The following PARD3B variants were observed in gnomAD, a reference collection of about 807,000 sequenced individuals.
PARD3B encodes the protein partitioning defective 3 homolog B.
In PARD3B, 103 loss-of-function variants were observed where a neutral mutation model predicts 130.2. The observed-to-expected ratio is 0.79, with a 90% confidence interval of 0.67 to 0.93. The LOEUF (loss-of-function observed/expected upper bound fraction) is 0.93. Among genes scored for constraint, PARD3B ranks in the 40% least tolerant of loss-of-function variants. The pLI, the probability that PARD3B is intolerant of heterozygous loss-of-function variation, is 0.00. For synonymous variants in PARD3B, 583 were observed against 553.2 expected, an observed-to-expected ratio of 1.05 and a Z score of -0.76; for missense variants, 1,609 against 1,499.2, an observed-to-expected ratio of 1.07 and a Z score of -1.21.
intron 3 of PARD3B, among the ~76,000 whole-genome samples, chr2:204,975,533 G>A (rs1450290802): frequency 6.6e-6 from 1 of 152,196 alleles, no homozygotes; most frequent in Non-Finnish European, 1.5e-5. Flanking sequence ...AATGAGTTCA[G>A]CAGGTGCACT....
intron 15 of PARD3B, among the ~76,000 whole-genome samples, chr2:205,214,570 C>T (rs11886173): frequency 0.16 from 24,336 of 151,320 alleles, 2,267 homozygotes; most frequent in African/African-American, 0.26. Context: ...ATGGTTTAAA[C>T]ACTTGGTACA....
At chr2:205,038,801 G>A (rs1462306244) in intron 3 of PARD3B, among the ~76,000 whole-genome samples, 1 of 152,122 alleles carries the variant, frequency 6.6e-6, no homozygotes, top group South Asian at 2.1e-4. Context: ...TGAAATGAGA[G>A]AAAAATGATA....
chr2:205,064,352 ATGTTTACC>A (rs1232368464), intron 4 of PARD3B, among the ~76,000 whole-genome samples: 6 of 152,166 alleles, frequency 3.9e-5, no homozygotes, highest in Non-Finnish European at 5.9e-5. Flanking sequence ...AGATTTCATC[ATGTTTACC>A]TGTTTACCTG....
chr2:205,251,650 A>G (rs980884587), intron 16 of PARD3B, among the ~76,000 whole-genome samples: 1 of 152,180 alleles, frequency 6.6e-6, no homozygotes, highest in Non-Finnish European at 1.5e-5. Flanking sequence ...TTGAATGTGC[A>G]TTTACACTTT....
At chr2:205,061,274 G>C (rs561953752) in intron 4 of PARD3B, among the ~76,000 whole-genome samples, 1 of 152,216 alleles carries the variant, frequency 6.6e-6, no homozygotes, top group African/African-American at 2.4e-5. Flanking sequence ...TAAGGTTCTG[G>C]CATGGCAGTG....
chr2:204,755,521 T>C (rs1559118930), intron 2 of PARD3B, among the ~76,000 whole-genome samples: 1 of 152,108 alleles, frequency 6.6e-6, no homozygotes, highest in Non-Finnish European at 1.5e-5. Context: ...AACCTCTTTG[T>C]TAAATGACAT....
chr2:205,286,233 A>G (rs1033358097), intron 16 of PARD3B, among the ~76,000 whole-genome samples: 1 of 152,144 alleles, frequency 6.6e-6, no homozygotes, highest in African/African-American at 2.4e-5. Context: ...AAGTTACTTT[A>G]TCTTTGCCTC....
intron 20 of PARD3B, among the ~76,000 whole-genome samples, chr2:205,478,775 G>A (rs146699537): frequency 1.9e-3 from 295 of 152,264 alleles, no homozygotes; most frequent in African/African-American, 6.5e-3. Flanking sequence ...TAAAGTGTGT[G>A]AGCTTGGACG....
At chr2:205,314,386 G>T (rs545717890) in intron 18 of PARD3B, among the ~76,000 whole-genome samples, 1 of 152,218 alleles carries the variant, frequency 6.6e-6, no homozygotes, top group Non-Finnish European at 1.5e-5. Context: ...ATCTAAAAAT[G>T]CATGGACACC....
chr2:205,329,943 A>G lies in PARD3B; in HGVS notation c.2630+28242A>G, dbSNP rs191381595. ...AGTGGGGCGGAGGTTGCAGTGAGCC[A>G]AGATCGCCCCATTGCACTCTAGCCT... On this transcript the variant is annotated intron_variant, in intron 18 of 22. Transcript: ENST00000406610. Among the ~76,000 whole-genome samples the G allele has an allele frequency of 1.3e-3, 203 of 152,128 alleles. 1 individual carries two copies. In the East Asian group the frequency reaches 0.024, roughly 18 times the overall value.
At chr2:204,629,315 T>C (rs921757031) in intron 1 of PARD3B, among the ~76,000 whole-genome samples, 1 of 152,230 alleles carries the variant, frequency 6.6e-6, no homozygotes. Flanking sequence ...CTTTCTGTTT[T>C]ACATTTTTAC....
intron 2 of PARD3B, among the ~76,000 whole-genome samples, chr2:204,865,069 G>A (rs1045405382): frequency 6.6e-6 from 1 of 151,878 alleles, no homozygotes; most frequent in Non-Finnish European, 1.5e-5. Context: ...TCAAAACCAC[G>A]ATATGATATC....
intron 3 of PARD3B, among the ~76,000 whole-genome samples, chr2:205,031,707 G>A (rs906445938): frequency 5.3e-5 from 8 of 152,092 alleles, no homozygotes; most frequent in African/African-American, 1.9e-4. Flanking sequence ...AGTACTTACA[G>A]GTAGTGAAAT....
chr2:204,826,248 C>T (rs148545026), intron 2 of PARD3B, among the ~76,000 whole-genome samples: 1 of 152,250 alleles, frequency 6.6e-6, no homozygotes, highest in Non-Finnish European at 1.5e-5. Context: ...AGGAGTTGTA[C>T]CTCCATAGCT....
intron 4 of PARD3B, among the ~76,000 whole-genome samples, chr2:205,089,380 A>G (rs1192055289): frequency 1.3e-5 from 2 of 152,008 alleles, no homozygotes; most frequent in Non-Finnish European, 2.9e-5. Context: ...CATGTTGGCC[A>G]GGCTGGTCTT....
intron 2 of PARD3B, among the ~76,000 whole-genome samples, chr2:204,956,785 G>T (rs985686925): frequency 1.3e-5 from 2 of 152,108 alleles, no homozygotes; most frequent in African/African-American, 4.8e-5. Context: ...CGCAATTCAT[G>T]GGAAGCAAGA....
At chr2:204,991,359 G>C (rs975034874) in intron 3 of PARD3B, among the ~76,000 whole-genome samples, 1 of 144,836 alleles carries the variant, frequency 6.9e-6, no homozygotes, top group African/African-American at 2.6e-5. Flanking sequence ...AGTTTACTGA[G>C]AATGATGTTT....
At chr2:205,545,872 T>C (rs1362763112) in intron 21 of PARD3B, among the ~76,000 whole-genome samples, 3 of 152,194 alleles carry the variant, frequency 2.0e-5, no homozygotes, top group African/African-American at 7.2e-5. Flanking sequence ...AATCTACAAA[T>C]GGGGAATATT....
chr2:205,364,692 G>A (rs2044532290), intron 18 of PARD3B, among the ~76,000 whole-genome samples: 2 of 152,174 alleles, frequency 1.3e-5, no homozygotes, highest in South Asian at 4.1e-4. Flanking sequence ...CTCAAGAGGG[G>A]CCACAAATTC....
Sources: allele counts gnomAD v4.1 joint callset (sites outside exome capture counted in the v4.1 genomes callset), GRCh38; gene constraint gnomAD v4.1.1; transcripts MANE v1.5; gene names NCBI Gene and HGNC (gene_info 2026-07-23, HGNC 2026-07-21).